OR2L13: variants seen among roughly 807,000 people sequenced by gnomAD.
OR2L13 encodes the protein olfactory receptor 2L13.
OR2L13 carries 14 observed loss-of-function variants against 15.3 expected under a neutral mutation model. That is an observed-to-expected ratio of 0.91 (90% CI 0.60 to 1.43). The LOEUF is 1.43. Among genes scored for constraint, OR2L13 ranks in the 40% most tolerant of loss-of-function variants. The pLI, the probability that OR2L13 is intolerant of heterozygous loss-of-function variation, is 0.00. For missense variants in OR2L13, 367 were observed against 387.9 expected (o/e 0.95, Z 0.45); for synonymous variants, 152 against 142.9 (o/e 1.06, Z -0.45).
At chr1:247,938,189 T>A in the OR2L13 span, among the ~76,000 whole-genome samples, 2 of 152,150 alleles carry the variant, frequency 1.3e-5, no homozygotes, top group South Asian at 4.1e-4. Context: ...CCTGTAACAG[T>A]CTCCTATCCC....
chr1:248,010,351 G>A, the OR2L13 span, among the ~76,000 whole-genome samples: 1 of 152,012 alleles, frequency 6.6e-6, no homozygotes, highest in Non-Finnish European at 1.5e-5. Flanking sequence ...CAATTATGTT[G>A]GGTCAGTTTA....
chr1:247,961,073 C>G, the OR2L13 span, among the ~76,000 whole-genome samples: 2 of 152,206 alleles, frequency 1.3e-5, no homozygotes, highest in Admixed American at 1.3e-4. Flanking sequence ...ATTCGGCCAT[C>G]TTGGCTCCAC....
the OR2L13 span, among the ~76,000 whole-genome samples, chr1:247,974,288 G>T: frequency 6.6e-6 from 1 of 152,006 alleles, no homozygotes; most frequent in Non-Finnish European, 1.5e-5. Flanking sequence ...CCAAGAGGAG[G>T]GATAGCATTA....
At chr1:248,083,241 A>T in the OR2L13 span, among the ~76,000 whole-genome samples, 1 of 152,174 alleles carries the variant, frequency 6.6e-6, no homozygotes, top group Non-Finnish European at 1.5e-5. Flanking sequence ...CACTCAAAAT[A>T]CGTTATTGAA....
At chr1:248,037,079 G>A in the OR2L13 span, among the ~76,000 whole-genome samples, 3 of 152,212 alleles carry the variant, frequency 2.0e-5, no homozygotes, top group Admixed American at 6.5e-5. Context: ...TCAGAAATTG[G>A]ATGAGAAGGC....
the OR2L13 span, among the ~76,000 whole-genome samples, chr1:247,943,271 C>T: frequency 1.3e-5 from 2 of 152,110 alleles, no homozygotes; most frequent in South Asian, 4.2e-4. Flanking sequence ...CTGGGGACTC[C>T]AAAAGAGGAG....
the OR2L13 span, chr1:248,084,644 G>T: frequency 6.5e-7 from 1 of 1,536,134 alleles, no homozygotes; most frequent in South Asian, 1.3e-5. Flanking sequence ...AGAAGGAAGA[G>T]GCTTTTATCA....
At chr1:248,012,063 A>G in the OR2L13 span, among the ~76,000 whole-genome samples, 1 of 152,272 alleles carries the variant, frequency 6.6e-6, no homozygotes, top group African/African-American at 2.4e-5. Flanking sequence ...GCTCAGTTTT[A>G]TTTATGTTCC....
chr1:248,037,356 C>T, the OR2L13 span, among the ~76,000 whole-genome samples: 5 of 151,988 alleles, frequency 3.3e-5, no homozygotes, highest in Admixed American at 3.3e-4. Context: ...AAAAATCATC[C>T]AGAAAAAGTA....
the OR2L13 span, among the ~76,000 whole-genome samples, chr1:247,970,531 A>C: frequency 6.6e-6 from 1 of 152,168 alleles, no homozygotes; most frequent in Non-Finnish European, 1.5e-5. Context: ...ACTTCTTAGA[A>C]TGCAACTTGG....
chr1:248,084,730 T>C, the OR2L13 span: 1 of 1,352,876 alleles, frequency 7.4e-7, no homozygotes. Context: ...ATTTTAGACT[T>C]CATCTCAGAC....
At chr1:247,965,164 T>A in the OR2L13 span, 2 of 511,742 alleles carry the variant, frequency 3.9e-6, no homozygotes, top group African/African-American at 2.0e-5. Flanking sequence ...TCCAAAAAGT[T>A]ATAAAAATTT....
the OR2L13 span, among the ~76,000 whole-genome samples, chr1:248,044,574 C>T: frequency 2.3e-5 from 2 of 85,222 alleles, 1 homozygote; most frequent in Non-Finnish European, 3.9e-5. Flanking sequence ...GAGGCCGAGG[C>T]GGGTGGATCA....
At chr1:248,060,664 A>ATGG in the OR2L13 span, 1 of 1,590,202 alleles carries the variant, frequency 6.3e-7, no homozygotes, top group Non-Finnish European at 8.6e-7. Flanking sequence ...CCTTCAGGAA[A>ATGG]GAGCACACGA....
the OR2L13 span, among the ~76,000 whole-genome samples, chr1:248,058,183 G>A: frequency 6.6e-6 from 1 of 152,144 alleles, no homozygotes; most frequent in African/African-American, 2.4e-5. Context: ...AGACCACAGG[G>A]TAAAATGTTA....
chr1:247,964,336 A>G, the OR2L13 span, among the ~76,000 whole-genome samples: 1 of 152,170 alleles, frequency 6.6e-6, no homozygotes, highest in East Asian at 1.9e-4. Flanking sequence ...ATAGAAATCT[A>G]CTGGTCTTCC....
chr1:248,056,325 G>A, the OR2L13 span, among the ~76,000 whole-genome samples: 1 of 151,918 alleles, frequency 6.6e-6, no homozygotes, highest in South Asian at 2.1e-4. Flanking sequence ...TTCATTGTTT[G>A]AAGGGTTTTT....
chr1:247,965,389 A>G, the OR2L13 span: 1 of 1,609,800 alleles, frequency 6.2e-7, no homozygotes, highest in Non-Finnish European at 8.5e-7. Context: ...GAAAACAGGA[A>G]ATCAAAGTTT....
At chr1:247,993,454 A>G in the OR2L13 span, among the ~76,000 whole-genome samples, 2 of 150,664 alleles carry the variant, frequency 1.3e-5, no homozygotes, top group African/African-American at 2.5e-5. Flanking sequence ...TGTAGGTTCT[A>G]TCATGGATAT....
Sources: allele counts gnomAD v4.1 joint callset (sites outside exome capture counted in the v4.1 genomes callset), GRCh38; gene constraint gnomAD v4.1.1; transcripts MANE v1.5; gene names NCBI Gene and HGNC (gene_info 2026-07-23, HGNC 2026-07-21).